The following CFAP91 variants were observed in gnomAD, a reference collection of about 807,000 sequenced individuals.
The protein encoded by CFAP91 is cilia and flagella associated protein 91.
Under a neutral mutation model 95.9 loss-of-function variants are expected in CFAP91, and 85 were observed. That is an observed-to-expected ratio of 0.89 (90% CI 0.74 to 1.06). The LOEUF (loss-of-function observed/expected upper bound fraction) is 1.06, where lower values mean the gene tolerates loss of function less well. Among genes scored for constraint, CFAP91 ranks in the 50% least tolerant of loss-of-function variants. The pLI is 0.00. For missense variants in CFAP91, 962 were observed against 943.4 expected, an observed-to-expected ratio of 1.02 and a Z score of -0.26; for synonymous variants, 335 against 327.5, an observed-to-expected ratio of 1.02 and a Z score of -0.25.
At chr3:119,736,268 G>GTTTTTTTTTTTTTTTTTTTT (rs770777389) in intron 10 of CFAP91, among the ~76,000 whole-genome samples, 2 of 85,326 alleles carry the variant, frequency 2.3e-5, no homozygotes, top group African/African-American at 4.9e-5. Context: ...TCTTTCTATT[G>GTTTTTTTTTTTTTTTTTTTT]TTTTTTTTTT....
intron 8 of CFAP91, among the ~76,000 whole-genome samples, chr3:119,731,065 C>T (rs913013164): frequency 5.3e-5 from 8 of 151,870 alleles, no homozygotes; most frequent in African/African-American, 1.5e-4. Context: ...AGTGAGACCA[C>T]GTCTCTACAA....
At chr3:119,708,413 CAG>C (rs531629549) in intron 3 of CFAP91, among the ~76,000 whole-genome samples, 176 bp from the exon 4 acceptor site, 5 of 152,148 alleles carry the variant, frequency 3.3e-5, no homozygotes, top group African/African-American at 1.2e-4. Context: ...TCTCCTGGCT[CAG>C]GGGAAGAATC....
At position 119,703,052 on chromosome 3, in the gene CFAP91, G is replaced by GGCCT. The variant is rs1031894416; in HGVS notation, c.-45_-42dup. ...CATAGCGACGTGCACGCAGTAGCCAGGCCTGACCCGCTGGTCCCTTGCTGG... is the reference window on the plus strand; with the variant it reads ...CATAGCGACGTGCACGCAGTAGCCAGGCCTGCCTGACCCGCTGGTCCCTTGCTGG... On this transcript the variant is annotated 5_prime_UTR_variant, in exon 1 of 18. Coordinates refer to ENST00000273390, the MANE Select transcript of CFAP91 (RefSeq NM_033364.4). 6 of 1,545,436 alleles carry GGCCT rather than the reference G, an allele frequency of 3.9e-6. No homozygotes were observed. In the African/African-American group the frequency reaches 6.9e-5, roughly 18 times the overall value.
chr3:119,746,379 G>A (rs1215227081), intron 14 of CFAP91, among the ~76,000 whole-genome samples: 2 of 152,164 alleles, frequency 1.3e-5, no homozygotes, highest in African/African-American at 4.8e-5. Flanking sequence ...CCTATTTCAT[G>A]ATTTCAAGTA....
chr3:119,713,964 A>T (rs1467419681), intron 5 of CFAP91, among the ~76,000 whole-genome samples: 1 of 152,110 alleles, frequency 6.6e-6, no homozygotes, highest in East Asian at 1.9e-4. Context: ...TGATCATTTA[A>T]GTTTCTAATT....
Position 119,726,228 on chromosome 3 carries a change from A to C in CFAP91, c.740A>C (p.Lys247Thr). Residue 247 changes from lysine (K) to threonine (T), a missense_variant, in exon 7 of 18, where the codon AAG becomes ACG. Physicochemically the swap from Lys to Thr is moderately conservative, Grantham distance 78. Coordinates refer to ENST00000273390, the MANE Select transcript of CFAP91 (RefSeq NM_033364.4). Reference protein sequence around the residue: ...EVEMIERAREKRAWEASLPAL... With the variant: ...EVEMIERARETRAWEASLPAL... ...GAGATGATAGAAAGAGCCCGCGAGA[A>C]GCGTGCTTGGGAAGCCTCTCTCCCC... The C allele has an allele frequency of 6.2e-7, 1 of 1,613,776 alleles. No individual in the cohort carries two copies. The highest frequency in any genetic ancestry group is 1.7e-5 in the Admixed American group (1 of 59,974).
At chr3:119,736,572 G>A (rs910045122) in intron 10 of CFAP91, among the ~76,000 whole-genome samples, 4 of 151,958 alleles carry the variant, frequency 2.6e-5, no homozygotes, top group Non-Finnish European at 4.4e-5. Context: ...CACCGCGCCC[G>A]GCCTATTCTA....
At chr3:119,764,398 A>G (rs768982032) in intron 17 of CFAP91, among the ~76,000 whole-genome samples, 1 of 152,110 alleles carries the variant, frequency 6.6e-6, no homozygotes, top group Non-Finnish European at 1.5e-5. Context: ...CTACCCACCT[A>G]CTTTCACAAA....
intron 8 of CFAP91, among the ~76,000 whole-genome samples, chr3:119,731,744 G>C (rs1199731451): frequency 3.3e-5 from 5 of 152,212 alleles, no homozygotes; most frequent in Non-Finnish European, 7.3e-5. Flanking sequence ...GAGAAAAGGA[G>C]CACAGGAGGT....
At chr3:119,725,486 G>A (rs2053765116) in intron 6 of CFAP91, among the ~76,000 whole-genome samples, 1 of 152,190 alleles carries the variant, frequency 6.6e-6, no homozygotes, top group Admixed American at 6.5e-5. Flanking sequence ...TGGCCAAGTG[G>A]CTCACACCTG....
chr3:119,725,233 A>C (rs2053760126), intron 6 of CFAP91, among the ~76,000 whole-genome samples: 2 of 152,120 alleles, frequency 1.3e-5, no homozygotes. Context: ...CATCCTCAAA[A>C]CTTGATCCAG....
intron 17 of CFAP91, among the ~76,000 whole-genome samples, chr3:119,758,114 A>G (rs115661076): frequency 0.011 from 1,601 of 152,272 alleles, 13 homozygotes; most frequent in Non-Finnish European, 0.015. Flanking sequence ...GACTTGCACC[A>G]TCATACTGAC....
chr3:119,730,070 A>C, intron 7 of CFAP91, 150 bp from the exon 8 acceptor site: 1 of 716,256 alleles, frequency 1.4e-6, no homozygotes, highest in South Asian at 1.9e-5. Flanking sequence ...CACGCCCTCA[A>C]TTCATCTGTC....
chr3:119,723,830 A>G (rs1389481168), intron 6 of CFAP91, among the ~76,000 whole-genome samples: 6 of 152,180 alleles, frequency 3.9e-5, no homozygotes, highest in African/African-American at 1.4e-4. Flanking sequence ...GATTTGTTGA[A>G]GATTAAATGC....
At chr3:119,749,747 A>G (rs1030527243) in intron 16 of CFAP91, among the ~76,000 whole-genome samples, 1 of 152,158 alleles carries the variant, frequency 6.6e-6, no homozygotes, top group East Asian at 1.9e-4. Context: ...TGAGAACCAT[A>G]TGTATTATAT....
rs540643360 is a variant in CFAP91, at chr3:119,759,579, C to T, written c.*2-5473C>T. On this transcript the variant is annotated intron_variant, in intron 17 of 17. Coordinates refer to ENST00000273390, the MANE Select transcript of CFAP91 (RefSeq NM_033364.4). ...AAACTCATTGGTAAAAGTAAGTACA[C>T]GGTCAAATTCAGAATATTCTAATAC... 9.9e-5 allele frequency among the ~76,000 whole-genome samples: 15 copies of T among 151,890 alleles called. No homozygotes were observed. In the South Asian group the frequency reaches 2.1e-3, roughly 21 times the overall value.
chr3:119,716,933 A>T (rs1393997425), intron 6 of CFAP91, among the ~76,000 whole-genome samples: 1 of 152,218 alleles, frequency 6.6e-6, no homozygotes, highest in Non-Finnish European at 1.5e-5. Context: ...TCAGGCCTAG[A>T]TGGCAAATTA....
intron 10 of CFAP91, among the ~76,000 whole-genome samples, chr3:119,734,621 C>G (rs1438251267): frequency 6.6e-6 from 1 of 152,124 alleles, no homozygotes; most frequent in Non-Finnish European, 1.5e-5. Context: ...CTGGGATGAA[C>G]CTGCCTTGGT....
intron 17 of CFAP91, among the ~76,000 whole-genome samples, chr3:119,760,745 C>G (rs2054523152): frequency 6.6e-6 from 1 of 150,436 alleles, no homozygotes. Context: ...TTCAGAATTA[C>G]ATGGAAATTA....
Sources: allele counts gnomAD v4.1 joint callset (sites outside exome capture counted in the v4.1 genomes callset), GRCh38; gene constraint gnomAD v4.1.1; transcripts MANE v1.5; gene names NCBI Gene and HGNC (gene_info 2026-07-23, HGNC 2026-07-21).